PRPF6: variants seen among roughly 807,000 people sequenced by gnomAD.
PRPF6 encodes pre-mRNA processing factor 6.
In PRPF6, 42 loss-of-function variants were observed where a neutral mutation model predicts 118.3. The observed-to-expected ratio is 0.35, with a 90% CI of 0.28 to 0.46. PRPF6 has a LOEUF of 0.46. Among genes scored for constraint, PRPF6 ranks in the 20% least tolerant of loss-of-function variants. The probability of loss-of-function intolerance (pLI) is 1.00; values close to 1 mark genes in which losing one functional copy is unlikely to be tolerated. For synonymous variants in PRPF6, 481 were observed against 485.1 expected, an observed-to-expected ratio of 0.99 and a Z score of 0.11; for missense variants, 662 against 1,255.7, an observed-to-expected ratio of 0.53 and a Z score of 7.15.
In PRPF6 at chr20:64,027,868, C is replaced by G. The variant is rs889525290; in HGVS notation, c.2339+132C>G. Reference sequence around the variant, plus strand: ...TCAGGGGCTTGGGGGGCGGTAGGTGCTGGCCATGAAAAATCACGGTCCCTG... The same window carrying G: ...TCAGGGGCTTGGGGGGCGGTAGGTGGTGGCCATGAAAAATCACGGTCCCTG... On this transcript the variant is annotated intron_variant, in intron 17 of 20. Coordinates refer to ENST00000266079, the MANE Select transcript of PRPF6 (RefSeq NM_012469.4). This position sits in a 1 kb window ranked among gnomAD's most constrained non-coding sequence, Gnocchi z 6.5. 8.2e-6 allele frequency: 11 copies of G among 1,333,398 alleles called. No homozygotes were observed. The highest frequency in any genetic ancestry group is 1.1e-5 in the Non-Finnish European group (10 of 933,496). The allele number at this position is 1,333,398 out of a possible 1,614,324, so 82.6% of individuals were successfully genotyped here. A position where few individuals can be genotyped will look rare whatever the true frequency, so the allele number is the denominator to read the frequency against.
chr20:64,001,676 ACG>A (rs1241892225), intron 9 of PRPF6, among the ~76,000 whole-genome samples: 1 of 152,174 alleles, frequency 6.6e-6, no homozygotes, highest in Non-Finnish European at 1.5e-5. Flanking sequence ...CCAGAGCCAC[ACG>A]TTGATTGAAC....
chr20:63,982,300 T>TA (rs1282903215), intron 1 of PRPF6, among the ~76,000 whole-genome samples: 1 of 152,128 alleles, frequency 6.6e-6, no homozygotes, highest in African/African-American at 2.4e-5. Flanking sequence ...GCCTCCTGAG[T>TA]AGCTGGGATT....
At chr20:63,996,574 C>T (rs1434841755) in intron 6 of PRPF6, among the ~76,000 whole-genome samples, 2 of 152,202 alleles carry the variant, frequency 1.3e-5, no homozygotes. Flanking sequence ...GCTGGCCTCA[C>T]AAAGTGCTGG....
intron 3 of PRPF6, among the ~76,000 whole-genome samples, 154 bp downstream of exon 3, chr20:63,985,179 C>A (rs1400424856): frequency 6.6e-6 from 1 of 151,856 alleles, no homozygotes; most frequent in Admixed American, 6.6e-5. Flanking sequence ...GTGTGGGCAA[C>A]GTAGGGAGAC....
chr20:64,031,678 AAAAAAAAAAAAAACAAC>A (rs2059314375), intron 19 of PRPF6, among the ~76,000 whole-genome samples: 1 of 151,060 alleles, frequency 6.6e-6, no homozygotes, highest in Non-Finnish European at 1.5e-5. Flanking sequence ...TTCTCAAAAA[AAAAAAAAAAAAAACAAC>A]AAAAAAAAAC....
In PRPF6 at chr20:63,999,685, C is replaced by T. The variant is rs1364806576; in HGVS notation, c.949C>T (p.Arg317Cys). ...CCCGCCAGCCTGGATTGCATCAGCC[C>T]GCCTGGAAGAAGTCACTGGGAAGCT... The part of the protein sequence containing the change: ...HHPPAWIASA[R>C]LEEVTGKLQV... Residue 317 changes from arginine to cysteine, a missense_variant, in exon 8 of 21, where the codon CGC becomes TGC. Transcript: ENST00000266079. 1.2e-6 allele frequency: 2 copies of T among 1,614,156 alleles called. No individual in the cohort carries two copies. Among genetic ancestry groups the T allele is most frequent in the Non-Finnish European group, 1.7e-6 (2 of 1,180,040 alleles).
chr20:64,021,925 A>G (rs574215087), intron 12 of PRPF6, among the ~76,000 whole-genome samples: 12 of 133,062 alleles, frequency 9.0e-5, no homozygotes, highest in East Asian at 4.4e-4. Context: ...CATATGCCTC[A>G]GCCACAGCCG....
rs745576499 is a variant in PRPF6 at position 63,999,606 on chromosome 20, T to C, written c.870T>C (p.Asp290=). 13 of 1,613,948 alleles carry C rather than the reference T, an allele frequency of 8.1e-6. No homozygotes were observed. Among genetic ancestry groups the C allele is most frequent in the Non-Finnish European group, 1.1e-5 (13 of 1,180,044 alleles). Residue 290 remains aspartate (D), a synonymous_variant, in exon 8 of 21, where the codon GAT becomes GAC. Transcript: ENST00000266079. The stretch of plus-strand genomic sequence containing the variant: ...GTGTGCACTCTCCCTCTCATAGTGA[T>C]ATCAAGAAGGCGCGACTGCTCCTCA... ...MIPTHGGDIN[D]IKKARLLLKS... is the part of the protein sequence containing the mutation.
In PRPF6 at chr20:64,011,279, G is replaced by C; in HGVS notation, c.1306-6G>C. On this transcript the variant is annotated splice_polypyrimidine_tract_variant and splice_region_variant and intron_variant, in intron 10 of 20. Transcript: ENST00000266079. This position sits in a 1 kb window ranked among gnomAD's most constrained non-coding sequence, Gnocchi z 6.7. Reference sequence around the variant, plus strand: ...CTCTCCTTTTTCTCGTGTCCTCTCCGCGTAGCTCTGGCTTGCTCTGGCAAG... The same window carrying C: ...CTCTCCTTTTTCTCGTGTCCTCTCCCCGTAGCTCTGGCTTGCTCTGGCAAG... 1 of 1,613,934 alleles carries C rather than the reference G, an allele frequency of 6.2e-7. No homozygotes were observed. The highest frequency in any genetic ancestry group is 8.5e-7 in the Non-Finnish European group (1 of 1,179,926).
At chr20:64,004,724 G>GCA (rs1319740189) in intron 9 of PRPF6, among the ~76,000 whole-genome samples, 1 of 152,218 alleles carries the variant, frequency 6.6e-6, no homozygotes, top group Admixed American at 6.5e-5. Flanking sequence ...TGGGGAGGGT[G>GCA]CAGCATGTGA....
chr20:64,009,143 A>T (rs1009325769), intron 9 of PRPF6, among the ~76,000 whole-genome samples: 9 of 151,912 alleles, frequency 5.9e-5, no homozygotes, highest in African/African-American at 1.9e-4. Context: ...TTAGCTGGGT[A>T]TGGTGGCTGC....
chr20:64,013,236 C>T (rs1456270137), intron 11 of PRPF6, among the ~76,000 whole-genome samples: 1 of 152,054 alleles, frequency 6.6e-6, no homozygotes, highest in Admixed American at 6.6e-5. Context: ...TGTCTTTTAT[C>T]TTTGTCTGTA....
intron 9 of PRPF6, among the ~76,000 whole-genome samples, chr20:64,009,183 A>T (rs2059203326): frequency 6.8e-6 from 1 of 146,522 alleles, no homozygotes; most frequent in East Asian, 2.1e-4. Context: ...TGGGAGGCTG[A>T]GGCAGGAGAA....
chr20:64,026,107 C>A lies in PRPF6; in HGVS notation c.2028+49C>A, dbSNP rs753869382. 6.3e-7 allele frequency: 1 copy of A among 1,595,996 alleles called. No homozygotes were observed. The highest frequency in any genetic ancestry group is 1.3e-5 in the African/African-American group (1 of 74,860). On this transcript the variant is annotated intron_variant, in intron 15 of 20. Transcript: ENST00000266079. The surrounding 1 kb of genome is among the most constrained non-coding windows in gnomAD (Gnocchi z 4.4). ...GGCCGTCTGGGGTGCATGGTGTGCA[C>A]ATGCGGGCCCCACGCCTGGCTTGGG...
intron 11 of PRPF6, among the ~76,000 whole-genome samples, chr20:64,013,922 A>G (rs1191094968): frequency 6.6e-6 from 1 of 151,590 alleles, no homozygotes; most frequent in African/African-American, 2.4e-5. Flanking sequence ...ATACCTCTGT[A>G]GCCTTTTGTT....
intron 9 of PRPF6, among the ~76,000 whole-genome samples, chr20:64,002,133 C>G (rs1369479727): frequency 1.4e-5 from 2 of 145,956 alleles, no homozygotes; most frequent in Non-Finnish European, 3.0e-5. Flanking sequence ...ATTCTCCTGC[C>G]TCAGCCTCCT....
intron 12 of PRPF6, among the ~76,000 whole-genome samples, chr20:64,021,916 A>C (rs1011691337): frequency 2.8e-5 from 4 of 144,550 alleles, no homozygotes; most frequent in Non-Finnish European, 4.5e-5. Context: ...GCACGTATGC[A>C]TATGCCTCAG....
chr20:63,990,425 A>T (rs1246321688), intron 3 of PRPF6, among the ~76,000 whole-genome samples: 1 of 151,940 alleles, frequency 6.6e-6, no homozygotes, highest in Non-Finnish European at 1.5e-5. Context: ...ATCATTGTGC[A>T]TAAATTTTAT....
At chr20:64,030,603 G>GT (rs1341093797) in intron 19 of PRPF6, among the ~76,000 whole-genome samples, 4 of 152,142 alleles carry the variant, frequency 2.6e-5, no homozygotes, top group African/African-American at 9.7e-5. Context: ...GTCCTGCCCT[G>GT]TGCGTTCACC....
Sources: allele counts gnomAD v4.1 joint callset (sites outside exome capture counted in the v4.1 genomes callset), GRCh38; gene constraint gnomAD v4.1.1; non-coding constraint Gnocchi (gnomAD v3.1); transcripts MANE v1.5; gene names NCBI Gene and HGNC (gene_info 2026-07-23, HGNC 2026-07-21).